RAD17: variants seen among roughly 807,000 people sequenced by gnomAD.
RAD17 encodes RAD17 checkpoint clamp loader component.
A neutral mutation model predicts 81.5 loss-of-function variants in RAD17; 31 were observed. The ratio of observed to expected loss-of-function variants is 0.38; its 90% CI spans 0.29 to 0.51. RAD17 has a LOEUF of 0.51. Ranked by LOEUF, RAD17 falls within the 20% of genes least tolerant of loss-of-function variation. RAD17 has a pLI of 0.88. For synonymous variants in RAD17, 261 were observed against 266.2 expected, an observed-to-expected ratio of 0.98 and a Z score of 0.19; for missense variants, 681 against 781.2, an observed-to-expected ratio of 0.87 and a Z score of 1.53.
intron 6 of RAD17, among the ~76,000 whole-genome samples, chr5:69,376,307 T>C (rs1044430504): frequency 1.5e-4 from 23 of 152,214 alleles, no homozygotes; most frequent in Non-Finnish European, 3.4e-4. Flanking sequence ...CTGAATCACT[T>C]ATTTTATTAG....
At chr5:69,372,260 A>T in intron 4 of RAD17, 43 bp downstream of exon 4, 1 of 1,428,542 alleles carries the variant, frequency 7.0e-7, no homozygotes, top group South Asian at 1.2e-5. Flanking sequence ...TCCTTTTTTA[A>T]TCCACTGCCG....
chr5:69,377,638 CAT>C (rs368858271), intron 6 of RAD17, among the ~76,000 whole-genome samples: 128 of 5,918 alleles, frequency 0.022, 21 homozygotes, highest in African/African-American at 0.047. Context: ...TATATGTATA[CAT>C]ATATATATGC....
At chr5:69,385,236 A>G (rs916560976) in intron 8 of RAD17, among the ~76,000 whole-genome samples, 2 of 147,688 alleles carry the variant, frequency 1.4e-5, no homozygotes, top group East Asian at 4.0e-4. Context: ...CTGGGATTAC[A>G]GGCGTGAGCC....
Position 69,384,927 on chromosome 5 carries a change from G to T in RAD17, c.639G>T (p.Leu213=). 1 of 1,581,770 alleles carries T rather than the reference G, an allele frequency of 6.3e-7. No homozygotes were observed. Among genetic ancestry groups the T allele is most frequent in the Non-Finnish European group, 8.6e-7 (1 of 1,168,412 alleles). ...TGAGAACTGATAAGAAGATAATTCT[G>T]GTTGAAGTAAGGACAACTTTTAAAA... The part of the protein sequence containing the change: ...DDLRTDKKII[L]VEDLPNQFYR... The change falls in exon 8 of 19, where the codon CTG becomes CTT. Residue 213 remains leucine, a synonymous_variant. Transcript: ENST00000354868.
intron 6 of RAD17, among the ~76,000 whole-genome samples, chr5:69,375,191 C>CA (rs1272086437): frequency 6.6e-6 from 1 of 152,188 alleles, no homozygotes; most frequent in Non-Finnish European, 1.5e-5. Context: ...CTAAAAGACT[C>CA]AGAGACTTTG....
chr5:69,371,561 T>C lies in RAD17; in HGVS notation c.-176+4T>C. 1 of 1,421,918 alleles carries C rather than the reference T, an allele frequency of 7.0e-7. No individual in the cohort carries two copies. Among genetic ancestry groups the C allele is most frequent in the Non-Finnish European group, 9.4e-7 (1 of 1,066,410 alleles). The allele number at this position is 1,421,918 out of a possible 1,614,324, so 88.1% of individuals were successfully genotyped here. A position where few individuals can be genotyped will look rare whatever the true frequency, so the allele number is the denominator to read the frequency against. ...ACCAAAGGTATCTTCCACAAAGGTA[T>C]GATACACTGGAATGGCCATGTAATA... is the stretch of plus-strand genomic sequence containing the variant. On this transcript the variant is annotated splice_donor_region_variant and intron_variant, in intron 3 of 18. Coordinates refer to ENST00000354868, the MANE Select transcript of RAD17 (RefSeq NM_133338.3).
chr5:69,410,864 C>G (rs1765927856), intron 18 of RAD17, among the ~76,000 whole-genome samples: 1 of 151,140 alleles, frequency 6.6e-6, no homozygotes, highest in Non-Finnish European at 1.5e-5. Flanking sequence ...TTAGCCTATG[C>G]TTGAAGACCT....
At chr5:69,384,142 G>A (rs1764025428) in intron 7 of RAD17, 2 of 151,702 alleles carry the variant, frequency 1.3e-5, no homozygotes, top group African/African-American at 4.9e-5. Flanking sequence ...CTCCAGCCTG[G>A]GCGACAGAGC....
chr5:69,397,435 C>T (rs143141593), intron 16 of RAD17, among the ~76,000 whole-genome samples: 24 of 152,274 alleles, frequency 1.6e-4, no homozygotes, highest in Non-Finnish European at 2.6e-4. Context: ...AGCCACTGTG[C>T]CCAGCTGCAT....
chr5:69,374,175 AT>A, intron 5 of RAD17, 88 bp downstream of exon 5: 2 of 1,165,490 alleles, frequency 1.7e-6, no homozygotes, highest in Non-Finnish European at 2.4e-6. Flanking sequence ...ACATTTTCAG[AT>A]TTTTTACTCA....
intron 3 of RAD17, 136 bp from the exon 4 acceptor site, chr5:69,371,898 A>G (rs1163322226): frequency 2.4e-6 from 1 of 412,188 alleles, no homozygotes; most frequent in Non-Finnish European, 4.1e-6. Context: ...TCTCAGCAAG[A>G]TAGGGGTTAA....
intron 17 of RAD17, among the ~76,000 whole-genome samples, chr5:69,402,485 C>G (rs1375288821): frequency 6.6e-6 from 1 of 151,974 alleles, no homozygotes; most frequent in Non-Finnish European, 1.5e-5. Flanking sequence ...CTAACCCCGT[C>G]TCTACTAAAA....
intron 17 of RAD17, among the ~76,000 whole-genome samples, chr5:69,407,576 T>TTG (rs1561275998): frequency 2.3e-5 from 3 of 128,574 alleles, no homozygotes; most frequent in Non-Finnish European, 4.9e-5. Flanking sequence ...TTTTTTTTTT[T>TTG]TTTTTTTTTT....
intron 12 of RAD17, among the ~76,000 whole-genome samples, chr5:69,389,663 C>T (rs1402162852): frequency 1.3e-5 from 2 of 152,208 alleles, no homozygotes; most frequent in African/African-American, 2.4e-5. Flanking sequence ...TATTTTGAGA[C>T]GGAGTCTCGC....
intron 13 of RAD17, chr5:69,392,679 T>C: frequency 3.1e-6 from 1 of 323,634 alleles, no homozygotes; most frequent in South Asian, 2.6e-5. Context: ...TGGATCCTCT[T>C]ACTTTGAACC....
chr5:69,385,167 A>G (rs543985040), intron 8 of RAD17, among the ~76,000 whole-genome samples: 79 of 151,298 alleles, frequency 5.2e-4, no homozygotes, highest in African/African-American at 1.4e-3. Flanking sequence ...TCACTGTGTT[A>G]GCCAGGATGG....
chr5:69,380,313 A>G (rs1197525309), intron 6 of RAD17, among the ~76,000 whole-genome samples: 1 of 152,212 alleles, frequency 6.6e-6, no homozygotes, highest in Non-Finnish European at 1.5e-5. Context: ...TACGTGTTAC[A>G]CTTTTATACA....
rs764256538 is a variant in RAD17 at position 69,374,656 on chromosome 5, T to C, written c.296T>C (p.Ile99Thr). 6 of 1,611,060 alleles carry C rather than the reference T, an allele frequency of 3.7e-6. No homozygotes were observed. The highest frequency in any genetic ancestry group is 5.1e-6 in the Non-Finnish European group (6 of 1,179,154). Residue 99 changes from isoleucine to threonine, a missense_variant, in exon 6 of 19, where the codon ATT (isoleucine) becomes ACT (threonine). Transcript: ENST00000354868. Reference protein sequence around the residue: ...QHELAVHKKKIEEVETWLKAQ... With the variant: ...QHELAVHKKKTEEVETWLKAQ... ...GAACTTGCTGTGCATAAAAAGAAAA[T>C]TGAAGAAGTCGAAACCTGGTTAAAA...
chr5:69,412,026 G>A (rs879741753), intron 18 of RAD17, among the ~76,000 whole-genome samples: 1 of 151,814 alleles, frequency 6.6e-6, no homozygotes, highest in Non-Finnish European at 1.5e-5. Flanking sequence ...GCACGATCTC[G>A]GCTCACTGCA....
Sources: gnomAD v4.1 joint callset for allele counts (sites outside exome capture counted in the v4.1 genomes callset) on GRCh38, gnomAD v4.1.1 for gene constraint, MANE v1.5 for transcripts, NCBI Gene and HGNC (gene_info 2026-07-23, HGNC 2026-07-21) for gene names.